Variants in SLC39A9 observed in about 807,000 individuals in gnomAD.
SLC39A9 encodes the protein solute carrier family 39 member 9.
Under a neutral mutation model 28.4 loss-of-function variants are expected in SLC39A9, and 14 were observed. That is an observed-to-expected ratio of 0.49 (90% CI 0.33 to 0.77). The LOEUF (loss-of-function observed/expected upper bound fraction) is 0.77. Among genes scored for constraint, SLC39A9 ranks in the 30% least tolerant of loss-of-function variants. The pLI is 0.02. For missense variants in SLC39A9, 283 were observed against 381.1 expected (o/e 0.74, Z 2.14); for synonymous variants, 119 against 149.6 (o/e 0.80, Z 1.49).
chr14:69,447,140 G>T (rs977477041), intron 3 of SLC39A9, among the ~76,000 whole-genome samples: 3 of 152,054 alleles, frequency 2.0e-5, no homozygotes, highest in African/African-American at 7.2e-5. Context: ...TTCCTTATTG[G>T]CTTCAAGGGG....
At chr14:69,421,178 G>T (rs545822743) in intron 1 of SLC39A9, among the ~76,000 whole-genome samples, 9 of 152,314 alleles carry the variant, frequency 5.9e-5, no homozygotes, top group Admixed American at 5.9e-4. Flanking sequence ...ATGGGGTTTT[G>T]GTGTGGATGT....
At chr14:69,418,760 T>C (rs532770819) in intron 1 of SLC39A9, among the ~76,000 whole-genome samples, 1 of 152,242 alleles carries the variant, frequency 6.6e-6, no homozygotes, top group Admixed American at 6.5e-5. Flanking sequence ...TCCAGGAATT[T>C]ATCCATGTCT....
chr14:69,407,624 C>T (rs914117235), intron 1 of SLC39A9, among the ~76,000 whole-genome samples: 3 of 151,634 alleles, frequency 2.0e-5, no homozygotes, highest in African/African-American at 7.3e-5. Flanking sequence ...CCACTGCGCC[C>T]GGCCAATTTT....
chr14:69,447,332 TG>T (rs1885377440), intron 3 of SLC39A9, among the ~76,000 whole-genome samples: 1 of 152,196 alleles, frequency 6.6e-6, no homozygotes, highest in Non-Finnish European at 1.5e-5. Context: ...AAGCAAATTC[TG>T]GAAGGGAGTC....
intron 1 of SLC39A9, among the ~76,000 whole-genome samples, chr14:69,410,245 T>C (rs1175759961): frequency 6.6e-6 from 1 of 152,252 alleles, no homozygotes; most frequent in Non-Finnish European, 1.5e-5. Flanking sequence ...TTAAGTAACC[T>C]TGATGTCAAA....
At chr14:69,441,717 A>G (rs2296721) in intron 2 of SLC39A9, 121,786 of 780,314 alleles carry the variant, frequency 0.16, 10,178 homozygotes, top group Middle Eastern at 0.23. Flanking sequence ...AGAAAAAAAC[A>G]GTGTATTTTC....
At chr14:69,399,967 A>G (rs1882535952) in intron 1 of SLC39A9, among the ~76,000 whole-genome samples, 1 of 152,166 alleles carries the variant, frequency 6.6e-6, no homozygotes, top group Non-Finnish European at 1.5e-5. Flanking sequence ...AGGCTGAGGC[A>G]GGAGGATCGC....
At chr14:69,428,274 CAAA>C (rs780805663) in intron 2 of SLC39A9, among the ~76,000 whole-genome samples, 6 of 82,090 alleles carry the variant, frequency 7.3e-5, no homozygotes, top group East Asian at 4.3e-4. Flanking sequence ...GACTCTGTCT[CAAA>C]AAAAAAAAAA....
intron 1 of SLC39A9, among the ~76,000 whole-genome samples, chr14:69,403,953 G>A (rs1882776143): frequency 6.6e-6 from 1 of 152,226 alleles, no homozygotes; most frequent in African/African-American, 2.4e-5. Flanking sequence ...TGAGGCAGGA[G>A]AATCGCTTGA....
Position 69,461,949 on chromosome 14 carries a change from T to A in SLC39A9, c.*3356T>A. 1 of 512,060 alleles carries A rather than the reference T, an allele frequency of 2.0e-6. No homozygotes were observed. Among genetic ancestry groups the A allele is most frequent in the Non-Finnish European group, 3.4e-6 (1 of 290,776 alleles). 31.7% of individuals were successfully genotyped at this position (512,060 alleles called of 1,614,324 possible). The stretch of plus-strand genomic sequence containing the variant: ...CTTCCTTCCATTAGAAAATTTCTGC[T>A]CAATACAGAATGGTCCACATCACCC... On this transcript the variant is annotated 3_prime_UTR_variant, in exon 7 of 7. Transcript: ENST00000336643.
chr14:69,441,977 G>A lies in SLC39A9; in HGVS notation c.206-92G>A, dbSNP rs2232055. The stretch of plus-strand genomic sequence containing the variant: ...AGTGGATGTCTTTACAGTAAAGTAA[G>A]TAGAGCTTGAAATACAAAGAATGGA... On this transcript the variant is annotated intron_variant, in intron 2 of 6. Transcript: ENST00000336643. 3.7e-4 allele frequency: 557 copies of A among 1,500,770 alleles called. 3 individuals are homozygous for A. The African/African-American group carries it at 6.7e-3, about 18-fold the overall frequency. The allele number at this position is 1,500,770 out of a possible 1,614,324, so 93.0% of individuals were successfully genotyped here. A position where few individuals can be genotyped will look rare whatever the true frequency, so the allele number is the denominator to read the frequency against.
At chr14:69,427,007 ATTTT>A (rs35299160) in intron 2 of SLC39A9, among the ~76,000 whole-genome samples, 5 of 135,938 alleles carry the variant, frequency 3.7e-5, no homozygotes, top group Non-Finnish European at 4.7e-5. Context: ...ACCCAAAATA[ATTTT>A]TTTTTTTTTT....
At chr14:69,409,818 G>T (rs1415960112) in intron 1 of SLC39A9, among the ~76,000 whole-genome samples, 1 of 151,968 alleles carries the variant, frequency 6.6e-6, no homozygotes, top group African/African-American at 2.4e-5. Flanking sequence ...GGGGATAAAG[G>T]GCATGAATGT....
intron 2 of SLC39A9, among the ~76,000 whole-genome samples, chr14:69,439,050 A>T (rs960002615): frequency 6.6e-6 from 1 of 152,252 alleles, no homozygotes; most frequent in African/African-American, 2.4e-5. Context: ...GATTCCACAC[A>T]CAAAAAAATT....
chr14:69,413,855 C>T (rs1883421820), intron 1 of SLC39A9, among the ~76,000 whole-genome samples: 1 of 152,072 alleles, frequency 6.6e-6, no homozygotes, highest in South Asian at 2.1e-4. Context: ...AATCACTTCT[C>T]ATCTTTGGCC....
chr14:69,460,129 A>AT lies in SLC39A9; in HGVS notation c.*1537dup. On this transcript the variant is annotated 3_prime_UTR_variant, in exon 7 of 7. Transcript: ENST00000336643. ...TATTATTAATTTATTTTTACTTTCT[A>AT]TACCATTTCAAAACACATTACACTA... is the stretch of plus-strand genomic sequence containing the variant. 1 of 983,882 alleles carries AT rather than the reference A, an allele frequency of 1.0e-6. No individual in the cohort carries two copies. The highest frequency in any genetic ancestry group is 4.7e-5 in the South Asian group (1 of 21,248). The allele number at this position is 983,882 out of a possible 1,614,324, so 60.9% of individuals were successfully genotyped here.
chr14:69,398,457 GAA>G (rs1882432080), upstream of SLC39A9: 7 of 615,614 alleles, frequency 1.1e-5, no homozygotes, highest in East Asian at 1.1e-4. Flanking sequence ...AAAGGTAAGG[GAA>G]AGTTTCCAAG....
At chr14:69,413,980 A>C (rs1043863772) in intron 1 of SLC39A9, among the ~76,000 whole-genome samples, 4 of 152,100 alleles carry the variant, frequency 2.6e-5, no homozygotes, top group African/African-American at 9.7e-5. Context: ...ACATGGGTCT[A>C]AAGATTAATA....
intron 1 of SLC39A9, among the ~76,000 whole-genome samples, chr14:69,409,937 CTG>C (rs1158093859): frequency 6.6e-6 from 1 of 152,140 alleles, no homozygotes; most frequent in Non-Finnish European, 1.5e-5. Context: ...ATTTTTAAAA[CTG>C]TACCAATTTC....
Sources: gnomAD v4.1 joint callset for allele counts (sites outside exome capture counted in the v4.1 genomes callset) on GRCh38, gnomAD v4.1.1 for gene constraint, MANE v1.5 for transcripts, NCBI Gene and HGNC (gene_info 2026-07-23, HGNC 2026-07-21) for gene names.